Variants in CSMD1 observed in about 807,000 individuals in gnomAD.
The protein encoded by CSMD1 is CUB and Sushi multiple domains 1.
A neutral mutation model predicts 417.5 loss-of-function variants in CSMD1; 213 were observed. That is an observed-to-expected ratio of 0.51 (90% CI 0.46 to 0.57). The LOEUF is 0.57. CSMD1 is among the 20% of genes least tolerant of loss of function. The pLI is 0.00. For synonymous variants in CSMD1, 2,862 were observed against 1,736.8 expected (o/e 1.65, Z -16.11); for missense variants, 6,923 against 4,529.7 (o/e 1.53, Z -15.17).
rs201688051 is a variant in CSMD1, at chr8:4,381,627, T to TC, written c.415+38325dup. Among the ~76,000 whole-genome samples, 78 of 152,188 alleles carry TC rather than the reference T, an allele frequency of 5.1e-4. 1 individual carries two copies. In the East Asian group the frequency reaches 0.015, roughly 28 times the overall value. ...CCCGCCCTGAACACCCACTGATCCC[T>TC]CCACCCCTTGTAGGCAACCATCCCC... is the stretch of plus-strand genomic sequence containing the variant. On this transcript the variant is annotated intron_variant, in intron 3 of 69. Transcript: ENST00000635120.
intron 1 of CSMD1, among the ~76,000 whole-genome samples, chr8:4,717,725 C>T (rs989792118): frequency 1.3e-5 from 2 of 152,004 alleles, no homozygotes; most frequent in Non-Finnish European, 2.9e-5. Flanking sequence ...TACAGTGGAG[C>T]CATGTTTGCA....
chr8:3,216,496 T>C (rs2116829029), intron 29 of CSMD1, among the ~76,000 whole-genome samples: 1 of 152,346 alleles, frequency 6.6e-6, no homozygotes, highest in South Asian at 2.1e-4. Flanking sequence ...AAATCTCTTT[T>C]AGTCTAGTTT....
chr8:4,227,583 C>A (rs567058748), intron 3 of CSMD1, among the ~76,000 whole-genome samples: 4 of 152,172 alleles, frequency 2.6e-5, no homozygotes, highest in African/African-American at 9.6e-5. Context: ...AGAAGTCCCA[C>A]AGCCCCCGAC....
At position 4,398,452 on chromosome 8, in the gene CSMD1, G is replaced by A. The variant is rs888494382; in HGVS notation, c.415+21501C>T. ...CTGTCACCCCAGGCTGGAGCGCAGTGGTGCGATCTCGGCTCACTGCAACCT... is the reference window on the plus strand; with the variant it reads ...CTGTCACCCCAGGCTGGAGCGCAGTAGTGCGATCTCGGCTCACTGCAACCT... On this transcript the variant is annotated intron_variant, in intron 3 of 69. Transcript: ENST00000635120. Among the ~76,000 whole-genome samples the A allele has an allele frequency of 9.5e-5, 13 of 136,140 alleles. No homozygotes were observed. In the East Asian group the frequency reaches 2.9e-3, roughly 30 times the overall value. 89.3% of individuals were successfully genotyped at this position (136,140 alleles called of 152,430 possible).
At chr8:4,984,553 TCTC>T (rs539292383) in intron 1 of CSMD1, among the ~76,000 whole-genome samples, 12 of 152,202 alleles carry the variant, frequency 7.9e-5, no homozygotes, top group Non-Finnish European at 1.8e-4. Flanking sequence ...TCCGGCTGCT[TCTC>T]CTCAACATCC....
intron 5 of CSMD1, among the ~76,000 whole-genome samples, chr8:3,835,684 A>T (rs1435412524): frequency 6.6e-6 from 1 of 151,412 alleles, no homozygotes; most frequent in Non-Finnish European, 1.5e-5. Context: ...CACATTGTGC[A>T]CATGTACCCT....
chr8:3,626,807 A>G (rs1450200583), intron 7 of CSMD1, among the ~76,000 whole-genome samples: 1 of 149,970 alleles, frequency 6.7e-6, no homozygotes, highest in East Asian at 1.9e-4. Context: ...AATACTATGT[A>G]TACTAAATAT....
At chr8:3,558,068 G>A (rs1422484757) in intron 10 of CSMD1, among the ~76,000 whole-genome samples, 1 of 148,158 alleles carries the variant, frequency 6.7e-6, no homozygotes, top group Non-Finnish European at 1.5e-5. Context: ...ATGATGAATA[G>A]TGCCTCAATA....
chr8:3,586,353 T>A (rs1800601917), intron 8 of CSMD1, 93 bp from the exon 9 acceptor site: 5 of 1,257,862 alleles, frequency 4.0e-6, no homozygotes, highest in Middle Eastern at 2.0e-4. Flanking sequence ...GCTGCTACGA[T>A]CTTGTTCAGT....
intron 5 of CSMD1, among the ~76,000 whole-genome samples, chr8:3,876,970 A>G (rs1324466244): frequency 6.6e-6 from 1 of 152,212 alleles, no homozygotes; most frequent in East Asian, 1.9e-4. Flanking sequence ...AATAATTCAT[A>G]AGTCATAACA....
intron 3 of CSMD1, among the ~76,000 whole-genome samples, chr8:4,247,324 G>C (rs150284219): frequency 6.6e-6 from 1 of 152,232 alleles, no homozygotes; most frequent in Non-Finnish European, 1.5e-5. Context: ...ACACTGCCCT[G>C]TCATACCACA....
At chr8:4,183,970 A>T (rs1440621245) in intron 3 of CSMD1, among the ~76,000 whole-genome samples, 1 of 152,276 alleles carries the variant, frequency 6.6e-6, no homozygotes, top group Admixed American at 6.5e-5. Flanking sequence ...ACAGAAGGAA[A>T]ATTCTCAGAG....
At chr8:3,605,500 C>A (rs189265909) in intron 8 of CSMD1, among the ~76,000 whole-genome samples, 6 of 152,298 alleles carry the variant, frequency 3.9e-5, no homozygotes, top group Admixed American at 3.3e-4. Flanking sequence ...ATTAAGATAA[C>A]TGAATGTGGA....
chr8:4,088,508 C>G (rs1292754412), intron 3 of CSMD1, among the ~76,000 whole-genome samples: 1 of 152,200 alleles, frequency 6.6e-6, no homozygotes, highest in South Asian at 2.1e-4. Context: ...TCTTTGTTTT[C>G]AACCCATGTC....
At chr8:3,546,980 A>T (rs1798694135) in intron 10 of CSMD1, among the ~76,000 whole-genome samples, 1 of 152,188 alleles carries the variant, frequency 6.6e-6, no homozygotes, top group Non-Finnish European at 1.5e-5. Flanking sequence ...AGAAGGGAAG[A>T]GCAAAACTGA....
chr8:4,904,642 C>T (rs1056740990), intron 1 of CSMD1, among the ~76,000 whole-genome samples: 1 of 152,086 alleles, frequency 6.6e-6, no homozygotes, highest in African/African-American at 2.4e-5. Context: ...CCAAGTCAAC[C>T]AGAAGTTCAA....
chr8:4,589,300 G>C (rs1350263181), intron 2 of CSMD1, among the ~76,000 whole-genome samples: 1 of 152,150 alleles, frequency 6.6e-6, no homozygotes, highest in African/African-American at 2.4e-5. Flanking sequence ...ATGCCAATAA[G>C]AATGATGCCT....
At chr8:4,359,734 G>C (rs182901949) in intron 3 of CSMD1, among the ~76,000 whole-genome samples, 6 of 152,288 alleles carry the variant, frequency 3.9e-5, no homozygotes, top group Admixed American at 2.6e-4. Context: ...CTGTGGCCTG[G>C]CCCACTTCTA....
chr8:4,033,954 GCTA>G (rs1273227695), intron 3 of CSMD1, among the ~76,000 whole-genome samples: 1 of 152,116 alleles, frequency 6.6e-6, no homozygotes, highest in African/African-American at 2.4e-5. Flanking sequence ...TAAATTAGCT[GCTA>G]TTTAGTATTC....
Sources: gnomAD v4.1 joint callset for allele counts (sites outside exome capture counted in the v4.1 genomes callset) on GRCh38, gnomAD v4.1.1 for gene constraint, MANE v1.5 for transcripts, NCBI Gene and HGNC (gene_info 2026-07-23, HGNC 2026-07-21) for gene names.